The following RPS6KA2 variants were observed in gnomAD, a reference collection of about 807,000 sequenced individuals.
The protein encoded by RPS6KA2 is ribosomal protein S6 kinase alpha-2.
A neutral mutation model predicts 91.8 loss-of-function variants in RPS6KA2; 42 were observed. The observed-to-expected ratio is 0.46, with a 90% confidence interval of 0.36 to 0.59. The LOEUF is 0.59. Ranked by LOEUF, RPS6KA2 falls within the 20% of genes least tolerant of loss-of-function variation. The probability of loss-of-function intolerance (pLI) is 0.00; values close to 1 mark genes in which losing one functional copy is unlikely to be tolerated. For synonymous variants in RPS6KA2, 414 were observed against 393.6 expected (o/e 1.05, Z -0.61); for missense variants, 798 against 978.5 (o/e 0.82, Z 2.46).
chr6:166,485,799 A>T (rs545867332), intron 10 of RPS6KA2, among the ~76,000 whole-genome samples: 1 of 152,342 alleles, frequency 6.6e-6, no homozygotes, highest in East Asian at 1.9e-4. Context: ...TTCGGGACAC[A>T]GGGTGGGACA....
chr6:166,490,769 T>A lies in RPS6KA2; in HGVS notation c.748-28A>T, dbSNP rs1470904045. 1 of 1,582,756 alleles carries A rather than the reference T, an allele frequency of 6.3e-7. No homozygotes were observed. Among genetic ancestry groups the A allele is most frequent in the Non-Finnish European group, 8.7e-7 (1 of 1,154,324 alleles). ...GCAGAGCAACACAGAGCACAGTGAG[T>A]TCATTCATCCAGATGGACCCGGCTT... is the stretch of plus-strand genomic sequence containing the variant. On this transcript the variant is annotated intron_variant, in intron 8 of 20. Transcript: ENST00000265678. This position sits in a 1 kb window ranked among gnomAD's most constrained non-coding sequence, Gnocchi z 4.2.
At chr6:166,524,729 A>T (rs1211240881) in intron 3 of RPS6KA2, among the ~76,000 whole-genome samples, 1 of 152,184 alleles carries the variant, frequency 6.6e-6, no homozygotes, top group East Asian at 1.9e-4. Context: ...CTAACAAGGG[A>T]GAGCCTCACG....
intron 1 of RPS6KA2, among the ~76,000 whole-genome samples, chr6:166,550,987 T>C (rs1174492576): frequency 1.1e-4 from 5 of 44,866 alleles, no homozygotes; most frequent in Non-Finnish European, 2.3e-4. Context: ...AGAGCCGGAC[T>C]CTATCTCAAA....
chr6:166,833,682 G>A (rs12198518), intron 2 of RPS6KA2, among the ~76,000 whole-genome samples: 22,368 of 152,156 alleles, frequency 0.15, 1,870 homozygotes, highest in Middle Eastern at 0.19. Context: ...TTGTGTTGCT[G>A]CAGTCACCCC....
chr6:166,494,741 G>C lies in RPS6KA2; in HGVS notation c.747+3767C>G, dbSNP rs990664742. Among the ~76,000 whole-genome samples the C allele has an allele frequency of 1.3e-5, 2 of 152,208 alleles. No homozygotes were observed. Among genetic ancestry groups the C allele is most frequent in the African/African-American group, 2.4e-5 (1 of 41,434 alleles). On this transcript the variant is annotated intron_variant, in intron 8 of 20. Coordinates refer to ENST00000265678, the MANE Select transcript of RPS6KA2 (RefSeq NM_021135.6). The surrounding 1 kb of genome is among the most constrained non-coding windows in gnomAD (Gnocchi z 5.1). ...CACAGGCATCCTTCCTTCCAGGTCT[G>C]GGGAGGGCACTTGTGGATGCTGCTC...
At chr6:166,861,455 C>T (rs577967294) in intron 1 of RPS6KA2, among the ~76,000 whole-genome samples, 86 of 152,302 alleles carry the variant, frequency 5.6e-4, no homozygotes, top group Admixed American at 1.8e-3. Flanking sequence ...AATCAGATTC[C>T]GTGGAGCAGA....
chr6:166,524,654 G>A (rs1016372068), intron 3 of RPS6KA2, among the ~76,000 whole-genome samples: 6 of 152,188 alleles, frequency 3.9e-5, no homozygotes, highest in Non-Finnish European at 7.3e-5. Context: ...TGGAGAAAAG[G>A]GCTGAAGGTG....
At position 166,626,936 on chromosome 6, in the gene RPS6KA2, G is replaced by A; in HGVS notation, c.84C>T (p.Ser28=). Residue 28 remains serine (S), a synonymous_variant, in exon 1 of 21, where the codon AGC becomes AGT. Coordinates refer to ENST00000265678, the MANE Select transcript of RPS6KA2 (RefSeq NM_021135.6). The surrounding 1 kb of genome is among the most constrained non-coding windows in gnomAD (Gnocchi z 4.1). ...LRRKSRSKSS[S]LSRLEEEGVV... is the part of the protein sequence containing the mutation. Reference sequence around the variant, plus strand: ...GCCGCATTACCTCGAGCCGGCTCAGGCTGGAGCTCTTGGAGCGCGACTTCC... The same window carrying A: ...GCCGCATTACCTCGAGCCGGCTCAGACTGGAGCTCTTGGAGCGCGACTTCC... The A allele has an allele frequency of 6.5e-7, 1 of 1,548,436 alleles. No individual in the cohort carries two copies.
chr6:166,506,395 C>G (rs979532309), intron 5 of RPS6KA2, among the ~76,000 whole-genome samples: 1 of 152,192 alleles, frequency 6.6e-6, no homozygotes, highest in African/African-American at 2.4e-5. Flanking sequence ...CTGGACAAAA[C>G]TGGACCCCAA....
chr6:166,625,617 T>C (rs1381730251), intron 1 of RPS6KA2, among the ~76,000 whole-genome samples: 1 of 152,112 alleles, frequency 6.6e-6, no homozygotes, highest in African/African-American at 2.4e-5. Context: ...TGTATCCGGA[T>C]AAAGATAAAT....
chr6:166,823,667 C>T (rs1315221231), intron 2 of RPS6KA2, among the ~76,000 whole-genome samples: 2 of 152,138 alleles, frequency 1.3e-5, no homozygotes, highest in African/African-American at 2.4e-5. Context: ...GTTATTCCCT[C>T]AACTTCTGCA....
chr6:166,783,557 T>C (rs1193530013), intron 2 of RPS6KA2, among the ~76,000 whole-genome samples: 5 of 151,582 alleles, frequency 3.3e-5, no homozygotes, highest in Admixed American at 2.6e-4. Context: ...TATGCATACA[T>C]ACATATCTAA....
intron 1 of RPS6KA2, among the ~76,000 whole-genome samples, chr6:166,562,036 T>C (rs1405061407): frequency 6.6e-6 from 1 of 152,180 alleles, no homozygotes; most frequent in Non-Finnish European, 1.5e-5. Flanking sequence ...TGCTGGCTCA[T>C]GTTTAGAGAT....
intron 13 of RPS6KA2, among the ~76,000 whole-genome samples, chr6:166,450,700 C>T (rs1479915797): frequency 4.4e-5 from 6 of 135,722 alleles, no homozygotes; most frequent in African/African-American, 1.4e-4. Flanking sequence ...GGGACCACCA[C>T]AAGGGACCAC....
intron 1 of RPS6KA2, among the ~76,000 whole-genome samples, chr6:166,613,240 C>T (rs1264659592): frequency 6.6e-6 from 1 of 152,238 alleles, no homozygotes; most frequent in Admixed American, 6.5e-5. Flanking sequence ...CATAGACCTG[C>T]TGATTTGTAG....
Position 166,603,189 on chromosome 6 carries a change from GA to G in RPS6KA2, c.99+23731del, listed in dbSNP as rs1785812084. ...GAACCAAACATCACAGATCCAGAAAGAGCCTTCCCTCTGCTACTTCCCTGTC... is the reference window on the plus strand; with the variant it reads ...GAACCAAACATCACAGATCCAGAAAGGCCTTCCCTCTGCTACTTCCCTGTC... On this transcript the variant is annotated intron_variant, in intron 1 of 20. Coordinates refer to ENST00000265678, the MANE Select transcript of RPS6KA2 (RefSeq NM_021135.6). The surrounding 1 kb of genome is among the most constrained non-coding windows in gnomAD (Gnocchi z 4.3). Among the ~76,000 whole-genome samples the G allele has an allele frequency of 6.6e-6, 1 of 152,236 alleles. No homozygotes were observed. Among genetic ancestry groups the G allele is most frequent in the Non-Finnish European group, 1.5e-5 (1 of 68,040 alleles).
chr6:166,538,145 T>C (rs894307070), intron 2 of RPS6KA2, among the ~76,000 whole-genome samples: 3 of 152,312 alleles, frequency 2.0e-5, no homozygotes, highest in Admixed American at 2.0e-4. Context: ...TAAAGTAGGT[T>C]TTATCCTTTC....
At chr6:166,605,835 T>A (rs1785933995) in intron 1 of RPS6KA2, among the ~76,000 whole-genome samples, 1 of 152,182 alleles carries the variant, frequency 6.6e-6, no homozygotes, top group East Asian at 1.9e-4. Flanking sequence ...AGACCTGAAA[T>A]GAAAACACAT....
At chr6:166,697,488 G>T (rs909540941) in intron 2 of RPS6KA2, among the ~76,000 whole-genome samples, 2 of 152,326 alleles carry the variant, frequency 1.3e-5, no homozygotes, top group East Asian at 1.9e-4. Flanking sequence ...TAAAGATGAA[G>T]CCACTGTCGT....
Sources: allele counts gnomAD v4.1 joint callset (sites outside exome capture counted in the v4.1 genomes callset), GRCh38; gene constraint gnomAD v4.1.1; non-coding constraint Gnocchi (gnomAD v3.1); transcripts MANE v1.5; gene names NCBI Gene and HGNC (gene_info 2026-07-23, HGNC 2026-07-21).